NUDT7: variants seen among roughly 807,000 people sequenced by gnomAD.
The protein encoded by NUDT7 is nudix hydrolase 7.
NUDT7 carries 19 observed loss-of-function variants against 13.1 expected under a neutral mutation model. The ratio of observed to expected loss-of-function variants is 1.45; its 90% CI spans 1.01 to 2.13. The LOEUF is 2.13. Among genes scored for constraint, NUDT7 ranks in the 30% most tolerant of loss-of-function variants. The pLI is 0.00. For missense variants in NUDT7, 360 were observed against 291.7 expected (o/e 1.23, Z -1.71); for synonymous variants, 132 against 109.7 (o/e 1.20, Z -1.27).
In NUDT7 at chr16:77,735,839, C is replaced by G; in HGVS notation, c.201C>G (p.Ala67=). The G allele has an allele frequency of 6.2e-7, 1 of 1,613,402 alleles. No individual in the cohort carries two copies. Among genetic ancestry groups the G allele is most frequent in the East Asian group, 2.2e-5 (1 of 44,852 alleles). Residue 67 remains alanine (A), a synonymous_variant, in exon 3 of 4, where the codon GCC becomes GCG. Transcript: ENST00000268533. The part of the protein sequence containing the change: ...FTVRSEKLRR[A]PGEVCFPGGK... Reference sequence around the variant, plus strand: ...CTTTCTATATCCAGCTAAGAAGGGCCCCTGGAGAAGTTTGCTTCCCTGGAG... The same window carrying G: ...CTTTCTATATCCAGCTAAGAAGGGCGCCTGGAGAAGTTTGCTTCCCTGGAG...
chr16:77,727,169 C>T (rs1399093463), intron 2 of NUDT7, among the ~76,000 whole-genome samples: 1 of 152,132 alleles, frequency 6.6e-6, no homozygotes, highest in Non-Finnish European at 1.5e-5. Context: ...TGGGCAAGGA[C>T]AAATATCGAA....
At chr16:77,731,308 T>G (rs932009310) in intron 2 of NUDT7, among the ~76,000 whole-genome samples, 1 of 152,088 alleles carries the variant, frequency 6.6e-6, no homozygotes, top group Non-Finnish European at 1.5e-5. Context: ...CAAAATACAG[T>G]CATGTGCTGC....
chr16:77,723,606 T>G lies in NUDT7; in HGVS notation c.35+989T>G, dbSNP rs756880856. Among the ~76,000 whole-genome samples, 894 of 151,112 alleles carry G rather than the reference T, an allele frequency of 5.9e-3. 39 individuals carry two copies. The highest frequency in any genetic ancestry group is 0.051 in the Admixed American group (775 of 15,150). On this transcript the variant is annotated intron_variant, in intron 1 of 3. Coordinates refer to ENST00000268533, the MANE Select transcript of NUDT7 (RefSeq NM_001105663.3). ...ATTTGTATACACTTTTTTTTTTTTT[T>G]TTTTGAGACAGAGTCTCACTCTGCC...
At chr16:77,733,397 G>C (rs1269720655) in intron 2 of NUDT7, among the ~76,000 whole-genome samples, 2 of 152,140 alleles carry the variant, frequency 1.3e-5, no homozygotes, top group Admixed American at 1.3e-4. Flanking sequence ...GTCTGTCTCT[G>C]GTCTCTTTTA....
intron 2 of NUDT7, among the ~76,000 whole-genome samples, chr16:77,733,877 G>C (rs894188775): frequency 6.6e-6 from 1 of 152,172 alleles, no homozygotes; most frequent in African/African-American, 2.4e-5. Flanking sequence ...AGAAATTGAG[G>C]TCACTCTGCT....
chr16:77,725,189 T>C lies in NUDT7; in HGVS notation c.36-242T>C, dbSNP rs7200949. On this transcript the variant is annotated intron_variant, in intron 1 of 3. Coordinates refer to ENST00000268533, the MANE Select transcript of NUDT7 (RefSeq NM_001105663.3). ...ATTGAAAAAACATTTTACCATACTT[T>C]ATGTTTCAAAGAGAACCTGTGTACT... Among the ~76,000 whole-genome samples the C allele has an allele frequency of 4.7e-3, 711 of 152,362 alleles. 4 individuals carry two copies. The highest frequency in any genetic ancestry group is 0.016 in the African/African-American group (683 of 41,588).
intron 3 of NUDT7, among the ~76,000 whole-genome samples, chr16:77,739,827 G>A (rs537412801): frequency 4.9e-4 from 75 of 152,262 alleles, no homozygotes; most frequent in Middle Eastern, 6.8e-3. Flanking sequence ...CTCTGGCAAG[G>A]TAGTCCTTAA....
At chr16:77,725,622 G>A (rs1372492834) in intron 2 of NUDT7, 38 bp downstream of exon 2, 1 of 1,584,284 alleles carries the variant, frequency 6.3e-7, no homozygotes, top group Non-Finnish European at 8.6e-7. Flanking sequence ...TAAACCTCAG[G>A]ACATCAGAAG....
intron 2 of NUDT7, among the ~76,000 whole-genome samples, chr16:77,729,936 C>G (rs967557247): frequency 2.0e-5 from 3 of 151,820 alleles, no homozygotes; most frequent in Admixed American, 2.0e-4. Flanking sequence ...CTAAATCTAG[C>G]TAATCAATGT....
chr16:77,730,621 A>G (rs952726068), intron 2 of NUDT7, among the ~76,000 whole-genome samples: 5 of 152,228 alleles, frequency 3.3e-5, no homozygotes, highest in Non-Finnish European at 7.3e-5. Context: ...CTTTGGATAT[A>G]TAACCAGTAG....
At chr16:77,722,884 C>T (rs920950850) in intron 1 of NUDT7, among the ~76,000 whole-genome samples, 2 of 152,180 alleles carry the variant, frequency 1.3e-5, no homozygotes, top group Non-Finnish European at 2.9e-5. Context: ...GTTCTGCAAT[C>T]CGCGTCTCCA....
chr16:77,725,351 GCA>G, intron 1 of NUDT7, 78 bp from the exon 2 acceptor site: 1 of 1,312,314 alleles, frequency 7.6e-7, no homozygotes, highest in Non-Finnish European at 1.1e-6. Flanking sequence ...ACACAACAAA[GCA>G]GAAACAGAGG....
intron 2 of NUDT7, among the ~76,000 whole-genome samples, chr16:77,734,944 T>A (rs2014431572): frequency 6.6e-6 from 1 of 152,176 alleles, no homozygotes. Context: ...AGTAAATGTA[T>A]TAAACGTCTC....
chr16:77,735,861 G>C lies in NUDT7; in HGVS notation c.223G>C (p.Gly75Arg). The C allele has an allele frequency of 6.2e-7, 1 of 1,613,894 alleles. No homozygotes were observed. The highest frequency in any genetic ancestry group is 1.6e-4 in the Middle Eastern group (1 of 6,062). ...GGCCCCTGGAGAAGTTTGCTTCCCT[G>C]GAGGTAAGCGTGACCCTACAGACAT... ...RRAPGEVCFP[G>R]GKRDPTDMDD... The change falls in exon 3 of 4, where the codon GGA (glycine) becomes CGA (arginine). Residue 75 changes from glycine to arginine, a missense_variant. By Grantham distance (125) the Gly-to-Arg change is moderately radical. Coordinates refer to ENST00000268533, the MANE Select transcript of NUDT7 (RefSeq NM_001105663.3).
chr16:77,732,138 G>A (rs956679363), intron 2 of NUDT7, among the ~76,000 whole-genome samples: 1 of 151,986 alleles, frequency 6.6e-6, no homozygotes, highest in African/African-American at 2.4e-5. Context: ...GACCAGCCTG[G>A]CCAACATGGC....
In NUDT7 at chr16:77,722,570, A is replaced by G; in HGVS notation, c.-13A>G. On this transcript the variant is annotated 5_prime_UTR_variant, in exon 1 of 4. Transcript: ENST00000268533. ...CCGAGGAGTCCGCCCGGAAACAAAC[A>G]TTCCCCAGGGCAATGTCACGACTTG... 1.9e-6 allele frequency: 3 copies of G among 1,585,758 alleles called. No individual in the cohort carries two copies. Among genetic ancestry groups the G allele is most frequent in the Middle Eastern group, 1.7e-4 (1 of 5,952 alleles).
At chr16:77,728,451 G>C (rs973424653) in intron 2 of NUDT7, among the ~76,000 whole-genome samples, 3 of 152,116 alleles carry the variant, frequency 2.0e-5, no homozygotes. Context: ...TGGCCAGGCT[G>C]ATCTTGACCT....
chr16:77,735,690 G>T, intron 2 of NUDT7, 138 bp from the exon 3 acceptor site: 1 of 759,612 alleles, frequency 1.3e-6, no homozygotes. Flanking sequence ...ACATTTGTGG[G>T]CAATAGGGGT....
At chr16:77,729,696 A>T (rs1249389401) in intron 2 of NUDT7, among the ~76,000 whole-genome samples, 1 of 152,038 alleles carries the variant, frequency 6.6e-6, no homozygotes, top group Non-Finnish European at 1.5e-5. Context: ...GTGGTGGTGC[A>T]CACCTGTAGT....
Sources: allele counts gnomAD v4.1 joint callset (sites outside exome capture counted in the v4.1 genomes callset), GRCh38; gene constraint gnomAD v4.1.1; transcripts MANE v1.5; gene names NCBI Gene and HGNC (gene_info 2026-07-23, HGNC 2026-07-21).